CACNA2D1: variants seen among roughly 807,000 people sequenced by gnomAD.
CACNA2D1 encodes the protein calcium voltage-gated channel auxiliary subunit alpha2delta 1, also known as voltage-dependent calcium channel subunit alpha-2/delta-1.
A neutral mutation model predicts 171.5 loss-of-function variants in CACNA2D1; 53 were observed. The observed-to-expected ratio is 0.31, with a 90% CI of 0.25 to 0.39. The LOEUF (loss-of-function observed/expected upper bound fraction) is 0.39. CACNA2D1 is among the 10% of genes least tolerant of loss of function. CACNA2D1 has a pLI of 1.00. For synonymous variants in CACNA2D1, 442 were observed against 443.1 expected, an observed-to-expected ratio of 1.00 and a Z score of 0.03; for missense variants, 903 against 1,299.8, an observed-to-expected ratio of 0.69 and a Z score of 4.69.
intron 12 of CACNA2D1, among the ~76,000 whole-genome samples, chr7:82,023,378 T>C (rs535335004): frequency 6.6e-6 from 1 of 152,058 alleles, no homozygotes; most frequent in South Asian, 2.1e-4. Flanking sequence ...CATTTTGTTC[T>C]AATTCTCAAA....
chr7:82,234,677 G>A, intron 3 of CACNA2D1, among the ~76,000 whole-genome samples: 1 of 152,090 alleles, frequency 6.6e-6, no homozygotes, highest in Admixed American at 6.6e-5. Flanking sequence ...GTTTAAGCAT[G>A]CCAGGAAGCA....
At chr7:82,435,623 T>G (rs1830058043) in intron 1 of CACNA2D1, among the ~76,000 whole-genome samples, 1 of 152,186 alleles carries the variant, frequency 6.6e-6, no homozygotes, top group South Asian at 2.1e-4. Flanking sequence ...TTTTGAAACC[T>G]CGGGCATCAT....
At chr7:82,415,097 C>T (rs1437163964) in intron 1 of CACNA2D1, among the ~76,000 whole-genome samples, 1 of 152,134 alleles carries the variant, frequency 6.6e-6, no homozygotes, top group Non-Finnish European at 1.5e-5. Context: ...ATCCTATTCA[C>T]CCATTACACA....
Position 82,005,449 on chromosome 7 carries a change from A to G in CACNA2D1, c.1564T>C (p.Leu522=). The G allele has an allele frequency of 6.3e-7, 1 of 1,599,342 alleles. No homozygotes were observed. The highest frequency in any genetic ancestry group is 1.1e-5 in the South Asian group (1 of 89,108). Residue 522 remains leucine (L), a synonymous_variant, in exon 18 of 39, where the codon TTA becomes CTA. Transcript: ENST00000356860. ...YFAIDPNGYV[L]LHPNLQPKNP... ...TTTGGCTGAAGATTTGGATGTAATA[A>G]AACATAACCATTAGGATCGATTGCA...
Position 81,949,251 on chromosome 7 carries a change from A to C in CACNA2D1, c.*1141T>G, listed in dbSNP as rs373264632. The C allele has an allele frequency of 6.6e-6, 1 of 152,094 alleles. No homozygotes were observed. Among genetic ancestry groups the C allele is most frequent in the Admixed American group, 6.6e-5 (1 of 15,242 alleles). 9.4% of individuals were successfully genotyped at this position (152,094 alleles called of 1,614,324 possible). A position where few individuals can be genotyped will look rare whatever the true frequency, so the allele number is the denominator to read the frequency against. On this transcript the variant is annotated 3_prime_UTR_variant, in exon 39 of 39. Coordinates refer to ENST00000356860, the MANE Select transcript of CACNA2D1 (RefSeq NM_000722.4). Reference sequence around the variant, plus strand: ...TATCTGTACATAGGTTATCAGGCGAAAGCATGAATCTGTATAAAATTCATT... The same window carrying C: ...TATCTGTACATAGGTTATCAGGCGACAGCATGAATCTGTATAAAATTCATT...
intron 7 of CACNA2D1, 31 bp downstream of exon 7, chr7:82,084,738 C>T (rs376650848): frequency 3.7e-6 from 6 of 1,613,296 alleles, no homozygotes; most frequent in Non-Finnish European, 5.1e-6. Flanking sequence ...GAGGCTGGAA[C>T]TTGACAATGA....
chr7:82,117,695 C>T (rs748765585), intron 5 of CACNA2D1, among the ~76,000 whole-genome samples: 1 of 152,048 alleles, frequency 6.6e-6, no homozygotes, highest in Non-Finnish European at 1.5e-5. Context: ...GTCAAAAGAT[C>T]GCTTGTGCAT....
chr7:82,122,299 A>G (rs1178269516), intron 5 of CACNA2D1, among the ~76,000 whole-genome samples: 1 of 152,248 alleles, frequency 6.6e-6, no homozygotes, highest in Non-Finnish European at 1.5e-5. Context: ...TTTAAAAGAC[A>G]AAATTGACAT....
chr7:82,193,647 T>C (rs1322839705), intron 3 of CACNA2D1, among the ~76,000 whole-genome samples: 2 of 152,042 alleles, frequency 1.3e-5, no homozygotes, highest in African/African-American at 4.8e-5. Context: ...TGGTTAGATT[T>C]TTCCGAATCA....
At chr7:81,955,635 T>TTATACTTCTACAATTATGAAGCTC (rs1188339107) in intron 38 of CACNA2D1, among the ~76,000 whole-genome samples, 2 of 151,932 alleles carry the variant, frequency 1.3e-5, no homozygotes, top group Non-Finnish European at 2.9e-5. Flanking sequence ...AGGATATAGA[T>TTATACTTCTACAATTATGAAGCTC]TATACTTCTA....
intron 15 of CACNA2D1, among the ~76,000 whole-genome samples, chr7:82,010,635 T>C (rs1799677196): frequency 6.6e-6 from 1 of 152,122 alleles, no homozygotes; most frequent in Non-Finnish European, 1.5e-5. Context: ...AGTAAATATG[T>C]GATGTCTAAA....
intron 6 of CACNA2D1, among the ~76,000 whole-genome samples, chr7:82,093,328 T>G (rs1052029140): frequency 6.6e-6 from 1 of 152,206 alleles, no homozygotes; most frequent in Admixed American, 6.5e-5. Context: ...TGTTACCTGC[T>G]CTCATCATTA....
intron 1 of CACNA2D1, among the ~76,000 whole-genome samples, chr7:82,421,128 A>G (rs1828680374): frequency 6.6e-6 from 1 of 152,196 alleles, no homozygotes; most frequent in African/African-American, 2.4e-5. Flanking sequence ...ATCTCTATTT[A>G]AAATGATGAC....
At chr7:82,315,980 A>G (rs1815069583) in intron 3 of CACNA2D1, among the ~76,000 whole-genome samples, 2 of 151,844 alleles carry the variant, frequency 1.3e-5, no homozygotes, top group Admixed American at 1.3e-4. Context: ...TTTTTTAAAT[A>G]TTATTTGCTT....
intron 12 of CACNA2D1, among the ~76,000 whole-genome samples, chr7:82,016,381 A>G (rs1800449070): frequency 6.6e-6 from 1 of 152,124 alleles, no homozygotes; most frequent in South Asian, 2.1e-4. Flanking sequence ...TTTTCAACGG[A>G]AGCATGGCTT....
chr7:81,981,301 A>C (rs887976814), intron 24 of CACNA2D1, among the ~76,000 whole-genome samples: 1 of 152,198 alleles, frequency 6.6e-6, no homozygotes, highest in African/African-American at 2.4e-5. Context: ...TAAGAAAAAC[A>C]GAATAGTGTG....
Position 82,301,772 on chromosome 7 carries a change from CAT to C in CACNA2D1, c.294+33361_294+33362del, listed in dbSNP as rs1309852067. Reference sequence around the variant, plus strand: ...ACACACACACACACACACACACACACATAGAGAGAGAGAGACAGAGGCTCTCC... The same window carrying C: ...ACACACACACACACACACACACACACAGAGAGAGAGAGACAGAGGCTCTCC... On this transcript the variant is annotated intron_variant, in intron 3 of 38. Transcript: ENST00000356860. Among the ~76,000 whole-genome samples the C allele has an allele frequency of 4.4e-4, 60 of 136,104 alleles. 1 individual carries two copies. The highest frequency in any genetic ancestry group is 3.9e-3 in the Admixed American group (50 of 12,936). The allele number at this position is 136,104 out of a possible 152,430, so 89.3% of individuals were successfully genotyped here.
chr7:82,212,804 T>A (rs555628752), intron 3 of CACNA2D1, among the ~76,000 whole-genome samples: 1 of 152,326 alleles, frequency 6.6e-6, no homozygotes, highest in Admixed American at 6.5e-5. Context: ...ATTATCCTCA[T>A]AAATGATGAA....
At chr7:81,999,356 C>T (rs189762326) in intron 18 of CACNA2D1, among the ~76,000 whole-genome samples, 1 of 152,252 alleles carries the variant, frequency 6.6e-6, no homozygotes, top group East Asian at 1.9e-4. Context: ...GGCTGAAGAA[C>T]TGGAATATAG....
Sources: gnomAD v4.1 joint callset for allele counts (sites outside exome capture counted in the v4.1 genomes callset) on GRCh38, gnomAD v4.1.1 for gene constraint, MANE v1.5 for transcripts, NCBI Gene and HGNC (gene_info 2026-07-23, HGNC 2026-07-21) for gene names.